The following ANAPC1 variants were observed in gnomAD, a reference collection of about 807,000 sequenced individuals.
ANAPC1 encodes anaphase-promoting complex subunit 1.
A neutral mutation model predicts 208.0 loss-of-function variants in ANAPC1; 36 were observed. That is an observed-to-expected ratio of 0.17 (90% CI 0.13 to 0.23). ANAPC1 has a LOEUF of 0.23. ANAPC1 is among the 10% of genes least tolerant of loss of function. ANAPC1 has a pLI of 1.00. For synonymous variants in ANAPC1, 378 were observed against 695.2 expected (o/e 0.54, Z 7.18); for missense variants, 942 against 2,011.6 (o/e 0.47, Z 10.17).
intron 29 of ANAPC1, among the ~76,000 whole-genome samples, chr2:111,806,186 A>G (rs1175759202): frequency 7.6e-6 from 1 of 130,880 alleles, no homozygotes; most frequent in Non-Finnish European, 1.6e-5. Flanking sequence ...GTAGAAAAAA[A>G]TTTTAAAGGG....
intron 24 of ANAPC1, among the ~76,000 whole-genome samples, chr2:111,824,240 CAAAAAAAA>C (rs1180333720): frequency 1.4e-5 from 1 of 71,256 alleles, no homozygotes; most frequent in Non-Finnish European, 2.8e-5. Flanking sequence ...AGGTAAAATG[CAAAAAAAA>C]AAAAAAAAAA....
intron 7 of ANAPC1, among the ~76,000 whole-genome samples, chr2:111,865,539 T>C (rs1158139388): frequency 6.6e-6 from 1 of 152,236 alleles, no homozygotes; most frequent in Non-Finnish European, 1.5e-5. Flanking sequence ...TTTTAAAATA[T>C]GATTCTATAA....
At chr2:111,826,924 G>T (rs1170492471) in intron 21 of ANAPC1, among the ~76,000 whole-genome samples, 3 of 152,146 alleles carry the variant, frequency 2.0e-5, no homozygotes, top group Non-Finnish European at 2.9e-5. Context: ...CTCCCAAAGT[G>T]CTGAGATTAT....
rs374599174 is a variant in ANAPC1, at chr2:111,867,967, C to T, written c.685+56G>A. 199 of 1,232,984 alleles carry T rather than the reference C, an allele frequency of 1.6e-4. 4 individuals carry two copies. In the East Asian group the frequency reaches 3.6e-3, roughly 22 times the overall value. 76.4% of individuals were successfully genotyped at this position (1,232,984 alleles called of 1,614,324 possible). ...TCATATAAGCGCCTTTATAACCTCC[C>T]TCACCAAAGTCAAAAAAAAAAGAGC... On this transcript the variant is annotated intron_variant, in intron 7 of 47. Transcript: ENST00000341068.
intron 18 of ANAPC1, among the ~76,000 whole-genome samples, chr2:111,836,892 C>T (rs1255693558): frequency 1.3e-5 from 2 of 150,810 alleles, no homozygotes; most frequent in South Asian, 4.2e-4. Context: ...TGCCTGAACT[C>T]GGGAGTCAGA....
At chr2:111,832,118 C>A (rs1680173173) in intron 20 of ANAPC1, among the ~76,000 whole-genome samples, 2 of 149,382 alleles carry the variant, frequency 1.3e-5, no homozygotes, top group Non-Finnish European at 3.0e-5. Flanking sequence ...CATGGTGAAA[C>A]CCCATCACTA....
chr2:111,852,794 T>C (rs548491982), intron 13 of ANAPC1, among the ~76,000 whole-genome samples: 3 of 150,538 alleles, frequency 2.0e-5, no homozygotes, highest in South Asian at 2.1e-4. Flanking sequence ...ATGTGGCCCA[T>C]AGAGGCTAAG....
intron 6 of ANAPC1, among the ~76,000 whole-genome samples, chr2:111,869,031 C>T (rs765982829): frequency 6.6e-6 from 1 of 152,144 alleles, no homozygotes; most frequent in Non-Finnish European, 1.5e-5. Context: ...AAGATAAACA[C>T]GCCGCTAGTA....
chr2:111,843,820 C>CCTTTTTTT (rs770441848), intron 16 of ANAPC1, among the ~76,000 whole-genome samples: 1 of 86,828 alleles, frequency 1.2e-5, no homozygotes, highest in African/African-American at 4.6e-5. Context: ...CTGAAGACAG[C>CCTTTTTTT]TTTTTTTTTT....
At chr2:111,845,088 C>T (rs1282351215) in intron 16 of ANAPC1, among the ~76,000 whole-genome samples, 3 of 152,180 alleles carry the variant, frequency 2.0e-5, no homozygotes, top group Non-Finnish European at 4.4e-5. Context: ...CCTCAAGCAA[C>T]CCCCTCACCT....
chr2:111,846,419 T>A (rs1681061652), intron 16 of ANAPC1, among the ~76,000 whole-genome samples: 1 of 139,670 alleles, frequency 7.2e-6, no homozygotes, highest in Non-Finnish European at 1.6e-5. Flanking sequence ...ATTAAAAACA[T>A]CATTAATACA....
chr2:111,770,838 T>G (rs1241929127), intron 47 of ANAPC1, among the ~76,000 whole-genome samples: 1 of 151,080 alleles, frequency 6.6e-6, no homozygotes, highest in African/African-American at 2.4e-5. Flanking sequence ...ACATTAGACA[T>G]AGTTATTTTA....
chr2:111,827,957 A>G (rs1191820473), intron 21 of ANAPC1, among the ~76,000 whole-genome samples: 2 of 152,200 alleles, frequency 1.3e-5, no homozygotes, highest in East Asian at 3.8e-4. Flanking sequence ...AAGGCCAGAG[A>G]GGTAAACTGA....
chr2:111,809,089 A>G lies in ANAPC1; in HGVS notation c.3690T>C (p.Ile1230=), dbSNP rs368765598. 6.2e-7 allele frequency: 1 copy of G among 1,611,842 alleles called. No individual in the cohort carries two copies. Among genetic ancestry groups the G allele is most frequent in the African/African-American group, 1.3e-5 (1 of 74,812 alleles). Residue 1230 remains isoleucine, a synonymous_variant, in exon 29 of 48, where the codon ATT becomes ATC. Transcript: ENST00000341068. The part of the protein sequence containing the change: ...MDMSITRLLS[I]HIPALLPPTS... ...TTGGGGGTAAGAGAGCAGGAATGTG[A>G]ATGCTAAGAAGCCGAGTAATAGACA...
chr2:111,847,241 C>T, intron 15 of ANAPC1, 43 bp from the exon 16 acceptor site: 1 of 1,496,946 alleles, frequency 6.7e-7, no homozygotes, highest in Non-Finnish European at 9.2e-7. Context: ...TCTGTGCATT[C>T]TAAGTCTTTG....
At chr2:111,800,147 G>C (rs952718621) in intron 34 of ANAPC1, among the ~76,000 whole-genome samples, 2 of 128,876 alleles carry the variant, frequency 1.6e-5, no homozygotes, top group Admixed American at 8.1e-5. Flanking sequence ...GATAAGTGAT[G>C]AAACATGTTT....
chr2:111,798,902 C>T (rs1464370094), intron 34 of ANAPC1, among the ~76,000 whole-genome samples: 3 of 151,760 alleles, frequency 2.0e-5, no homozygotes, highest in Non-Finnish European at 2.9e-5. Flanking sequence ...GGCATGGTGG[C>T]GGGTGCCTGT....
chr2:111,823,308 C>T (rs180921391), intron 24 of ANAPC1, among the ~76,000 whole-genome samples: 84 of 152,066 alleles, frequency 5.5e-4, no homozygotes, highest in Non-Finnish European at 9.6e-4. Context: ...TGAGCCACCG[C>T]GCCTGGCCCA....
intron 34 of ANAPC1, among the ~76,000 whole-genome samples, chr2:111,797,287 A>ACTCT (rs1327433796): frequency 6.6e-6 from 1 of 151,522 alleles, no homozygotes; most frequent in Admixed American, 6.6e-5. Flanking sequence ...TTTTGAGAAC[A>ACTCT]CTCTATATGT....
Sources: gnomAD v4.1 joint callset for allele counts (sites outside exome capture counted in the v4.1 genomes callset) on GRCh38, gnomAD v4.1.1 for gene constraint, MANE v1.5 for transcripts, NCBI Gene and HGNC (gene_info 2026-07-23, HGNC 2026-07-21) for gene names.